PIP4K2A: variants seen among roughly 807,000 people sequenced by gnomAD.
PIP4K2A encodes phosphatidylinositol 5-phosphate 4-kinase type-2 alpha.
PIP4K2A carries 14 observed loss-of-function variants against 42.9 expected under a neutral mutation model. The observed-to-expected ratio is 0.33, with a 90% CI of 0.22 to 0.51. The LOEUF is 0.51. Among genes scored for constraint, PIP4K2A ranks in the 20% least tolerant of loss-of-function variants. The pLI, the probability that PIP4K2A is intolerant of heterozygous loss-of-function variation, is 0.97. For missense variants in PIP4K2A, 434 were observed against 519.8 expected (o/e 0.83, Z 1.61); for synonymous variants, 192 against 192.2 (o/e 1.00, Z 0.01).
intron 1 of PIP4K2A, among the ~76,000 whole-genome samples, chr10:22,637,353 A>G (rs1389439101): frequency 6.6e-6 from 1 of 152,212 alleles, no homozygotes. Context: ...AAGATGACAA[A>G]AAGATTAATA....
chr10:22,634,208 C>A (rs941113956), intron 1 of PIP4K2A, among the ~76,000 whole-genome samples: 2 of 152,186 alleles, frequency 1.3e-5, no homozygotes, highest in Non-Finnish European at 2.9e-5. Context: ...AAGAGCCCAG[C>A]CAAAGAGGAC....
At chr10:22,558,975 T>G (rs1275714232) in intron 6 of PIP4K2A, among the ~76,000 whole-genome samples, 1 of 152,174 alleles carries the variant, frequency 6.6e-6, no homozygotes, top group Admixed American at 6.5e-5. Context: ...TGTGGTAATG[T>G]CAAAGGTGAC....
chr10:22,607,863 A>T, intron 3 of PIP4K2A, 64 bp downstream of exon 3: 1 of 959,650 alleles, frequency 1.0e-6, no homozygotes. Flanking sequence ...ATCCCAATTG[A>T]CACAGCAAAA....
chr10:22,585,609 ATTT>A (rs67526326), intron 4 of PIP4K2A, among the ~76,000 whole-genome samples: 5 of 143,168 alleles, frequency 3.5e-5, no homozygotes, highest in Admixed American at 7.0e-5. Flanking sequence ...GTGCCTCTCA[ATTT>A]TTTTTTTTTT....
intron 6 of PIP4K2A, among the ~76,000 whole-genome samples, chr10:22,566,831 C>T (rs1836859256): frequency 6.6e-6 from 1 of 152,182 alleles, no homozygotes; most frequent in Non-Finnish European, 1.5e-5. Flanking sequence ...CTAGAGCTCC[C>T]TGAGTGTCCT....
intron 1 of PIP4K2A, among the ~76,000 whole-genome samples, chr10:22,709,855 A>G (rs1020469781): frequency 1.3e-5 from 2 of 152,156 alleles, no homozygotes; most frequent in East Asian, 1.9e-4. Context: ...TGAAGATTAA[A>G]AAGAACAAAA....
At chr10:22,575,350 G>T (rs1009343713) in intron 4 of PIP4K2A, among the ~76,000 whole-genome samples, 1 of 152,228 alleles carries the variant, frequency 6.6e-6, no homozygotes, top group East Asian at 1.9e-4. Flanking sequence ...GGGACACACC[G>T]ATTTTGGTTT....
chr10:22,536,111 A>G lies in PIP4K2A; in HGVS notation c.*1090T>C, dbSNP rs1344759398. 5 of 398,448 alleles carry G rather than the reference A, an allele frequency of 1.3e-5. No individual in the cohort carries two copies. In the East Asian group the frequency reaches 1.8e-4, roughly 14 times the overall value. 24.7% of individuals were successfully genotyped at this position (398,448 alleles called of 1,614,324 possible). On this transcript the variant is annotated 3_prime_UTR_variant, in exon 10 of 10. Transcript: ENST00000376573. ...TTTTCCTAATAATGTAAACAGTAAA[A>G]CTGAGGGTTTCAGTTAAAGGGATAA...
chr10:22,635,009 A>G (rs1271993389), intron 1 of PIP4K2A, among the ~76,000 whole-genome samples: 1 of 152,168 alleles, frequency 6.6e-6, no homozygotes, highest in Admixed American at 6.5e-5. Flanking sequence ...GTAACAGAAG[A>G]CTACGATGGG....
chr10:22,652,143 ACT>A (rs1446162208), intron 1 of PIP4K2A, among the ~76,000 whole-genome samples: 2 of 150,628 alleles, frequency 1.3e-5, no homozygotes, highest in African/African-American at 4.9e-5. Flanking sequence ...TTTGAGACAG[ACT>A]CTTACTCTGT....
At chr10:22,634,852 G>C (rs1211500947) in intron 1 of PIP4K2A, among the ~76,000 whole-genome samples, 1 of 152,076 alleles carries the variant, frequency 6.6e-6, no homozygotes, top group Non-Finnish European at 1.5e-5. Flanking sequence ...CCCCTGTCAA[G>C]TTTCATCTTA....
In PIP4K2A at chr10:22,592,695, C is replaced by G. The variant is rs1474776340; in HGVS notation, c.340-914G>C. ...CGTTCAGATCTCCTCTTTCTTACAT[C>G]CTCCAAGAAGCCTCCTCCTTGCCCC... On this transcript the variant is annotated intron_variant, in intron 3 of 9. Coordinates refer to ENST00000376573, the MANE Select transcript of PIP4K2A (RefSeq NM_005028.5). 2.6e-5 allele frequency among the ~76,000 whole-genome samples: 4 copies of G among 152,326 alleles called. No individual in the cohort carries two copies. In the South Asian group the frequency reaches 8.3e-4, roughly 32 times the overall value.
At position 22,705,650 on chromosome 10, in the gene PIP4K2A, A is replaced by G. The variant is rs553223416; in HGVS notation, c.144+8533T>C. On this transcript the variant is annotated intron_variant, in intron 1 of 9. Coordinates refer to ENST00000376573, the MANE Select transcript of PIP4K2A (RefSeq NM_005028.5). ...AGACTTAAATATGCTGACGATCAAC[A>G]TGTCTTGTTAAAATGTACATTCTGC... Among the ~76,000 whole-genome samples the G allele has an allele frequency of 2.0e-5, 3 of 151,832 alleles. No individual in the cohort carries two copies. The South Asian group carries it at 6.2e-4, about 32-fold the overall frequency.
intron 1 of PIP4K2A, among the ~76,000 whole-genome samples, chr10:22,676,509 G>A (rs1839563102): frequency 6.6e-6 from 1 of 152,102 alleles, no homozygotes; most frequent in Non-Finnish European, 1.5e-5. Flanking sequence ...CTAAAAATCT[G>A]AATGTGGCAC....
intron 1 of PIP4K2A, among the ~76,000 whole-genome samples, chr10:22,653,124 C>T (rs563990028): frequency 6.6e-6 from 1 of 152,172 alleles, no homozygotes; most frequent in Admixed American, 6.5e-5. Flanking sequence ...AGGACCACCC[C>T]CGGGGGTATG....
chr10:22,665,827 T>C (rs1839338514), intron 1 of PIP4K2A, among the ~76,000 whole-genome samples: 1 of 151,680 alleles, frequency 6.6e-6, no homozygotes, highest in African/African-American at 2.4e-5. Context: ...CACATATATA[T>C]ACATACACAC....
chr10:22,612,602 C>T (rs1326338), intron 1 of PIP4K2A, among the ~76,000 whole-genome samples: 1 of 152,038 alleles, frequency 6.6e-6, no homozygotes, highest in Non-Finnish European at 1.5e-5. Flanking sequence ...AGGGCGGAGG[C>T]GGCAGCAGAA....
chr10:22,687,768 T>C (rs75247537), intron 1 of PIP4K2A, among the ~76,000 whole-genome samples: 5,533 of 152,324 alleles, frequency 0.036, 150 homozygotes, highest in Middle Eastern at 0.062. Context: ...GTAAATGCTA[T>C]GTGAATAGTT....
chr10:22,707,942 C>A (rs1436885499), intron 1 of PIP4K2A, among the ~76,000 whole-genome samples: 4 of 152,142 alleles, frequency 2.6e-5, no homozygotes, highest in East Asian at 1.9e-4. Flanking sequence ...ATGGCCTTCA[C>A]TGGACTGCCA....
Sources: allele counts gnomAD v4.1 joint callset (sites outside exome capture counted in the v4.1 genomes callset), GRCh38; gene constraint gnomAD v4.1.1; transcripts MANE v1.5; gene names NCBI Gene and HGNC (gene_info 2026-07-23, HGNC 2026-07-21).